Variants in PID1 observed in about 807,000 individuals in gnomAD.
PID1 encodes the protein phosphotyrosine interaction domain containing 1.
PID1 carries 10 observed loss-of-function variants against 19.1 expected under a neutral mutation model. The ratio of observed to expected loss-of-function variants is 0.52; its 90% CI spans 0.32 to 0.89. The LOEUF (loss-of-function observed/expected upper bound fraction) is 0.89, where lower values mean the gene tolerates loss of function less well. Among genes scored for constraint, PID1 ranks in the 40% least tolerant of loss-of-function variants. PID1 has a pLI of 0.03. For synonymous variants in PID1, 130 were observed against 116.0 expected, an observed-to-expected ratio of 1.12 and a Z score of -0.78; for missense variants, 248 against 285.3, an observed-to-expected ratio of 0.87 and a Z score of 0.94.
At chr2:229,190,369 G>A (rs1292908194) in intron 1 of PID1, among the ~76,000 whole-genome samples, 1 of 152,222 alleles carries the variant, frequency 6.6e-6, no homozygotes, top group South Asian at 2.1e-4. Flanking sequence ...TGCAGGAGGG[G>A]CAGGACCCAG....
At chr2:229,238,281 T>A (rs1689771640) in intron 1 of PID1, among the ~76,000 whole-genome samples, 1 of 152,162 alleles carries the variant, frequency 6.6e-6, no homozygotes, top group South Asian at 2.1e-4. Context: ...AAAGACTTCA[T>A]TCGAGCATGA....
intron 1 of PID1, among the ~76,000 whole-genome samples, chr2:229,216,642 A>C (rs1691852839): frequency 6.6e-6 from 1 of 152,182 alleles, no homozygotes; most frequent in African/African-American, 2.4e-5. Flanking sequence ...AAATAAAAAA[A>C]ACTATACAGG....
intron 1 of PID1, among the ~76,000 whole-genome samples, chr2:229,209,908 T>C (rs903679033): frequency 6.6e-6 from 1 of 152,168 alleles, no homozygotes; most frequent in Non-Finnish European, 1.5e-5. Context: ...ATCACATTGA[T>C]AGCAGGCTAC....
intron 2 of PID1, among the ~76,000 whole-genome samples, chr2:229,103,193 C>G (rs555026860): frequency 8.1e-4 from 123 of 152,330 alleles, no homozygotes; most frequent in Non-Finnish European, 1.6e-3. Flanking sequence ...GAGTCCCCCA[C>G]TTAGGCCTGG....
intron 1 of PID1, among the ~76,000 whole-genome samples, chr2:229,162,345 G>T (rs1254712935): frequency 6.6e-6 from 1 of 152,174 alleles, no homozygotes; most frequent in African/African-American, 2.4e-5. Context: ...CAAATTGGTT[G>T]TATCTCACCT....
intron 2 of PID1, among the ~76,000 whole-genome samples, chr2:229,129,740 T>C (rs1402422214): frequency 6.6e-6 from 1 of 152,194 alleles, no homozygotes; most frequent in Non-Finnish European, 1.5e-5. Flanking sequence ...TTCCCTAAGA[T>C]GAGCAGAGAG....
intron 1 of PID1, among the ~76,000 whole-genome samples, chr2:229,215,854 C>A (rs1260093340): frequency 6.6e-6 from 1 of 152,206 alleles, no homozygotes; most frequent in Non-Finnish European, 1.5e-5. Context: ...AAATGTAATG[C>A]ATAACACAGT....
At chr2:229,263,917 T>C (rs182393879) in intron 1 of PID1, among the ~76,000 whole-genome samples, 2 of 152,314 alleles carry the variant, frequency 1.3e-5, no homozygotes, top group Admixed American at 6.5e-5. Flanking sequence ...GTGGCTGCTA[T>C]TGTTATTATT....
chr2:229,079,227 A>G (rs1236668951), intron 2 of PID1, among the ~76,000 whole-genome samples: 1 of 152,222 alleles, frequency 6.6e-6, no homozygotes, highest in Non-Finnish European at 1.5e-5. Flanking sequence ...AGGAAATTGT[A>G]TTTTAACTCT....
At chr2:229,082,878 C>A (rs4972883) in intron 2 of PID1, among the ~76,000 whole-genome samples, 30,393 of 152,004 alleles carry the variant, frequency 0.2, 3,945 homozygotes, top group East Asian at 0.54. Flanking sequence ...GTGAGATAAC[C>A]AATGAGTGTC....
intron 2 of PID1, among the ~76,000 whole-genome samples, chr2:229,144,868 T>A (rs12479139): frequency 6.6e-6 from 1 of 151,970 alleles, no homozygotes; most frequent in Non-Finnish European, 1.5e-5. Flanking sequence ...TTTTCATCTC[T>A]GCAAGTATTG....
intron 1 of PID1, among the ~76,000 whole-genome samples, chr2:229,235,022 T>C (rs918055559): frequency 2.6e-5 from 4 of 152,222 alleles, no homozygotes; most frequent in African/African-American, 9.6e-5. Flanking sequence ...GATACTATTA[T>C]CTCAGCCTCT....
chr2:229,102,293 T>C (rs1695087765), intron 2 of PID1, among the ~76,000 whole-genome samples: 3 of 151,696 alleles, frequency 2.0e-5, no homozygotes, highest in Admixed American at 1.3e-4. Context: ...TTAAAAAAAA[T>C]ACATTTAAAG....
At chr2:229,196,981 G>A (rs1691390882) in intron 1 of PID1, among the ~76,000 whole-genome samples, 1 of 151,370 alleles carries the variant, frequency 6.6e-6, no homozygotes, top group Non-Finnish European at 1.5e-5. Flanking sequence ...AAAAAAGTAA[G>A]ACAGTATCAA....
chr2:229,052,899 T>G (rs1694024444), intron 2 of PID1, among the ~76,000 whole-genome samples: 1 of 152,218 alleles, frequency 6.6e-6, no homozygotes, highest in South Asian at 2.1e-4. Flanking sequence ...AGTAAGAATT[T>G]TTTAAATAAA....
intron 2 of PID1, among the ~76,000 whole-genome samples, chr2:229,129,270 C>T (rs555065846): frequency 9.9e-5 from 15 of 152,088 alleles, no homozygotes; most frequent in South Asian, 2.1e-4. Flanking sequence ...AAAAATTAAC[C>T]GGGCATGGTG....
chr2:229,137,250 A>G (rs141016759), intron 2 of PID1, among the ~76,000 whole-genome samples: 43 of 152,344 alleles, frequency 2.8e-4, no homozygotes, highest in African/African-American at 9.4e-4. Context: ...ACAAAAGAGC[A>G]GAGAGAATAG....
intron 2 of PID1, among the ~76,000 whole-genome samples, chr2:229,056,687 C>A (rs1160744501): frequency 6.6e-6 from 1 of 151,288 alleles, no homozygotes; most frequent in East Asian, 1.9e-4. Context: ...CTTCCCAATG[C>A]ACCACCAAGC....
At chr2:229,163,757 C>T (rs902505529) in intron 1 of PID1, among the ~76,000 whole-genome samples, 1 of 151,920 alleles carries the variant, frequency 6.6e-6, no homozygotes, top group African/African-American at 2.4e-5. Context: ...CGCACACACA[C>T]AAATGTGTTA....
Sources: gnomAD v4.1 joint callset for allele counts (sites outside exome capture counted in the v4.1 genomes callset) on GRCh38, gnomAD v4.1.1 for gene constraint, MANE v1.5 for transcripts, NCBI Gene and HGNC (gene_info 2026-07-23, HGNC 2026-07-21) for gene names.